The following VLDLR variants were observed in gnomAD, a reference collection of about 807,000 sequenced individuals.
VLDLR encodes very low density lipoprotein receptor.
A neutral mutation model predicts 112.7 loss-of-function variants in VLDLR; 81 were observed. The observed-to-expected ratio is 0.72, with a 90% CI of 0.60 to 0.86. VLDLR has a LOEUF of 0.86. Among genes scored for constraint, VLDLR ranks in the 40% least tolerant of loss-of-function variants. The pLI, the probability that VLDLR is intolerant of heterozygous loss-of-function variation, is 0.00. For synonymous variants in VLDLR, 436 were observed against 384.8 expected (o/e 1.13, Z -1.56); for missense variants, 1,237 against 1,099.4 (o/e 1.13, Z -1.77).
chr9:2,644,405 G>A (rs912994505), intron 7 of VLDLR, among the ~76,000 whole-genome samples: 2 of 146,754 alleles, frequency 1.4e-5, no homozygotes, highest in Admixed American at 7.0e-5. Context: ...TCCTGACCTC[G>A]TGATCCACCC....
At chr9:2,651,814 G>T in intron 16 of VLDLR, 60 bp from the exon 17 acceptor site, 1 of 1,598,090 alleles carries the variant, frequency 6.3e-7, no homozygotes, top group Non-Finnish European at 8.6e-7. Flanking sequence ...TTACCTGATG[G>T]GTAAATTTCT....
At chr9:2,650,637 C>G in intron 15 of VLDLR, 121 bp downstream of exon 15, 1 of 1,370,154 alleles carries the variant, frequency 7.3e-7, no homozygotes, top group Non-Finnish European at 1.0e-6. Flanking sequence ...GAGAAGATAT[C>G]TGCTATTGTA....
chr9:2,649,656 T>G (rs1360835862), intron 14 of VLDLR, among the ~76,000 whole-genome samples: 4 of 152,296 alleles, frequency 2.6e-5, no homozygotes, highest in Admixed American at 6.5e-5. Context: ...CCTCCTAAAG[T>G]GCCGGAATTA....
At chr9:2,641,305 CA>C (rs1817812373) in intron 3 of VLDLR, 71 bp from the exon 4 acceptor site, 2 of 1,609,806 alleles carry the variant, frequency 1.2e-6, no homozygotes, top group Non-Finnish European at 1.7e-6. Flanking sequence ...TTAGCGCTTC[CA>C]GGCAGCACAG....
chr9:2,624,036 C>A (rs149482931), intron 1 of VLDLR, among the ~76,000 whole-genome samples: 1 of 152,168 alleles, frequency 6.6e-6, no homozygotes, highest in East Asian at 1.9e-4. Context: ...AGAAAAGTTT[C>A]GTTTTTGCTG....
intron 14 of VLDLR, among the ~76,000 whole-genome samples, chr9:2,649,100 G>A (rs1818197126): frequency 1.3e-5 from 2 of 152,126 alleles, no homozygotes; most frequent in South Asian, 4.2e-4. Context: ...CAAGACTATT[G>A]CAGTAGCCTC....
chr9:2,654,191 C>T lies in VLDLR; in HGVS notation c.*323C>T, dbSNP rs1818495903. 1 of 383,426 alleles carries T rather than the reference C, an allele frequency of 2.6e-6. No homozygotes were observed. Among genetic ancestry groups the T allele is most frequent in the Non-Finnish European group, 4.9e-6 (1 of 202,070 alleles). The allele number at this position is 383,426 out of a possible 1,614,324, so 23.8% of individuals were successfully genotyped here. A position where few individuals can be genotyped will look rare whatever the true frequency, so the allele number is the denominator to read the frequency against. On this transcript the variant is annotated 3_prime_UTR_variant, in exon 19 of 19. Transcript: ENST00000382100. ...AGTGAAACTTGTGCTATAGTGTATA[C>T]CACCTGTACATACATTGTATAGGCC...
chr9:2,642,797 T>A (rs1234046358), intron 4 of VLDLR, among the ~76,000 whole-genome samples: 1 of 152,228 alleles, frequency 6.6e-6, no homozygotes, highest in Non-Finnish European at 1.5e-5. Flanking sequence ...TGATAAGATC[T>A]GACAAGCAGT....
Position 2,655,233 on chromosome 9 carries a change from A to G in VLDLR, c.*1365A>G, listed in dbSNP as rs1384527473. On this transcript the variant is annotated 3_prime_UTR_variant, in exon 19 of 19. Transcript: ENST00000382100. ...ATGGGGCAGATTCTTACTATGGACA[A>G]TTTCTGGAACTTACAGTATGAAGAG... 1.3e-5 allele frequency: 2 copies of G among 152,206 alleles called. No homozygotes were observed. Among genetic ancestry groups the G allele is most frequent in the Admixed American group, 6.5e-5 (1 of 15,278 alleles). The allele number at this position is 152,206 out of a possible 1,614,324, so 9.4% of individuals were successfully genotyped here. A position where few individuals can be genotyped will look rare whatever the true frequency, so the allele number is the denominator to read the frequency against.
Position 2,622,071 on chromosome 9 carries a change from T to G in VLDLR, c.-119T>G. 3 of 744,174 alleles carry G rather than the reference T, an allele frequency of 4.0e-6. No homozygotes were observed. The highest frequency in any genetic ancestry group is 3.9e-6 in the Non-Finnish European group (2 of 508,750). The allele number at this position is 744,174 out of a possible 1,614,324, so 46.1% of individuals were successfully genotyped here. ...TTCCCCCGCCAACTCCTTCCCCTCCTTCTCCCCCTTTCCCCTCCCCGCCCC... is the reference window on the plus strand; with the variant it reads ...TTCCCCCGCCAACTCCTTCCCCTCCGTCTCCCCCTTTCCCCTCCCCGCCCC... On this transcript the variant is annotated 5_prime_UTR_variant, in exon 1 of 19. Coordinates refer to ENST00000382100, the MANE Select transcript of VLDLR (RefSeq NM_003383.5).
chr9:2,642,351 C>A (rs1462169926), intron 4 of VLDLR, among the ~76,000 whole-genome samples: 2 of 152,122 alleles, frequency 1.3e-5, no homozygotes, highest in Non-Finnish European at 2.9e-5. Context: ...AAGTCGCCTC[C>A]TGAGGTCAAT....
intron 4 of VLDLR, among the ~76,000 whole-genome samples, chr9:2,641,876 G>C (rs1426529838): frequency 1.3e-5 from 2 of 151,354 alleles, no homozygotes; most frequent in East Asian, 3.9e-4. Context: ...ACATTCATAG[G>C]TCTAAATTTG....
chr9:2,627,523 C>T (rs1030230352), intron 1 of VLDLR, among the ~76,000 whole-genome samples: 5 of 152,132 alleles, frequency 3.3e-5, no homozygotes, highest in South Asian at 4.1e-4. Context: ...GGGACACACT[C>T]ATTCTGACAG....
At chr9:2,629,514 C>A (rs1385598356) in intron 1 of VLDLR, among the ~76,000 whole-genome samples, 4 of 152,204 alleles carry the variant, frequency 2.6e-5, no homozygotes, top group African/African-American at 9.6e-5. Context: ...CTGTACTTTC[C>A]TTCTCTACCA....
chr9:2,621,857 G>T lies in VLDLR; in HGVS notation c.-333G>T. The T allele has an allele frequency of 1.8e-6, 1 of 562,332 alleles. No homozygotes were observed. The highest frequency in any genetic ancestry group is 3.4e-6 in the Non-Finnish European group (1 of 297,672). The allele number at this position is 562,332 out of a possible 1,614,324, so 34.8% of individuals were successfully genotyped here. On this transcript the variant is annotated 5_prime_UTR_variant, in exon 1 of 19. Transcript: ENST00000382100. The stretch of plus-strand genomic sequence containing the variant: ...TCCTCTCCGTTCTGTGCTCTCTTCT[G>T]CTCTCGGCTCCCCACCCCCTCTCCC...
chr9:2,650,226 T>C (rs1221902737), intron 14 of VLDLR, 144 bp from the exon 15 acceptor site: 3 of 969,480 alleles, frequency 3.1e-6, no homozygotes, highest in Non-Finnish European at 4.8e-6. Flanking sequence ...TCTTCCTTGA[T>C]ACTGTTCTCA....
At chr9:2,649,291 G>T (rs1188686846) in intron 14 of VLDLR, among the ~76,000 whole-genome samples, 1 of 152,190 alleles carries the variant, frequency 6.6e-6, no homozygotes, top group Admixed American at 6.5e-5. Context: ...GGAAGGGTCT[G>T]TTCCAGGCCT....
At position 2,652,919 on chromosome 9, in the gene VLDLR, C is replaced by T. The variant is rs1042314467; in HGVS notation, c.2556C>T (p.His852=). 5 of 1,614,096 alleles carry T rather than the reference C, an allele frequency of 3.1e-6. No individual in the cohort carries two copies. Among genetic ancestry groups the T allele is most frequent in the Non-Finnish European group, 4.2e-6 (5 of 1,179,980 alleles). ...EEDLSIDIGR[H]SASVGHTYPA... is the part of the protein sequence containing the mutation. ...ACCTCTCCATAGACATTGGTAGACA[C>T]AGTGCTTCTGTTGGACACACGTACC... The change falls in exon 18 of 19, where the codon CAC becomes CAT. Residue 852 remains histidine, a synonymous_variant. Transcript: ENST00000382100.
chr9:2,636,370 A>T (rs1405073619), intron 2 of VLDLR, among the ~76,000 whole-genome samples: 3 of 152,266 alleles, frequency 2.0e-5, no homozygotes, highest in Non-Finnish European at 4.4e-5. Context: ...AAGATGTTAT[A>T]TAAAGATGTT....
Sources: allele counts gnomAD v4.1 joint callset (sites outside exome capture counted in the v4.1 genomes callset), GRCh38; gene constraint gnomAD v4.1.1; transcripts MANE v1.5; gene names NCBI Gene and HGNC (gene_info 2026-07-23, HGNC 2026-07-21).